Variants in COL4A4 observed in about 807,000 individuals in gnomAD.
COL4A4 encodes collagen type IV alpha 4 chain.
COL4A4 carries 105 observed loss-of-function variants against 192.9 expected under a neutral mutation model. The observed-to-expected ratio is 0.54, with a 90% CI of 0.46 to 0.64. The LOEUF (loss-of-function observed/expected upper bound fraction) is 0.64. COL4A4 is among the 30% of genes least tolerant of loss of function. The pLI is 0.00. For missense variants in COL4A4, 1,967 were observed against 2,169.3 expected, an observed-to-expected ratio of 0.91 and a Z score of 1.85; for synonymous variants, 762 against 769.9, an observed-to-expected ratio of 0.99 and a Z score of 0.17.
Position 227,042,266 on chromosome 2 carries a change from C to G in COL4A4, c.3398-11G>C. 6.4e-7 allele frequency: 1 copy of G among 1,564,276 alleles called. No individual in the cohort carries two copies. Among genetic ancestry groups the G allele is most frequent in the Non-Finnish European group, 8.8e-7 (1 of 1,134,690 alleles). On this transcript the variant is annotated splice_polypyrimidine_tract_variant and intron_variant, in intron 36 of 47. Transcript: ENST00000396625. ...GCATCCCGTGATCACCTGAGGATGA[C>G]AGGGAAGTTTTGCAGATGGCCAGAT...
rs188817793 is a variant in COL4A4, at chr2:227,054,756, A to G, written c.2717-19T>C. ...CGGGGTCCTGGTGAAATGAGAGCAT[A>G]AAGTTTTAGGAAAATATTTTATTTG... On this transcript the variant is annotated intron_variant, in intron 30 of 47. Coordinates refer to ENST00000396625, the MANE Select transcript of COL4A4 (RefSeq NM_000092.5). The G allele has an allele frequency of 1.7e-5, 27 of 1,610,174 alleles. No individual in the cohort carries two copies. In the Admixed American group the frequency reaches 2.8e-4, roughly 17 times the overall value.
At chr2:227,038,342 G>A (rs967237556) in intron 37 of COL4A4, among the ~76,000 whole-genome samples, 7 of 152,158 alleles carry the variant, frequency 4.6e-5, no homozygotes, top group Non-Finnish European at 1.0e-4. Context: ...CCCATTGCTT[G>A]TTTTTGTCAG....
intron 25 of COL4A4, among the ~76,000 whole-genome samples, chr2:227,072,783 A>G (rs1156513524): frequency 6.6e-6 from 1 of 152,126 alleles, no homozygotes; most frequent in Non-Finnish European, 1.5e-5. Flanking sequence ...TCACATAAAC[A>G]TAATTAAAAA....
chr2:227,060,410 T>A (rs185774629), intron 26 of COL4A4, among the ~76,000 whole-genome samples, 167 bp from the exon 27 acceptor site: 4 of 152,382 alleles, frequency 2.6e-5, no homozygotes, highest in Admixed American at 2.6e-4. Flanking sequence ...GTAAGTCATA[T>A]GCTCCAAATA....
chr2:227,067,333 A>G (rs376156752), intron 25 of COL4A4, among the ~76,000 whole-genome samples: 1 of 152,132 alleles, frequency 6.6e-6, no homozygotes, highest in Non-Finnish European at 1.5e-5. Context: ...ACAAGGATAC[A>G]CAGGAATTGA....
chr2:227,085,994 T>C (rs1255135407), intron 22 of COL4A4, among the ~76,000 whole-genome samples: 1 of 152,190 alleles, frequency 6.6e-6, no homozygotes, highest in East Asian at 1.9e-4. Flanking sequence ...AAGATGGTGT[T>C]CTTATATCCA....
intron 19 of COL4A4, 143 bp from the exon 20 acceptor site, chr2:227,094,432 T>C: frequency 1.3e-6 from 1 of 747,492 alleles, no homozygotes; most frequent in South Asian, 1.8e-5. Flanking sequence ...TTATGCTAAG[T>C]GAAATAAGCC....
intron 4 of COL4A4, among the ~76,000 whole-genome samples, chr2:227,138,914 T>G: frequency 6.6e-6 from 1 of 152,228 alleles, no homozygotes; most frequent in East Asian, 1.9e-4. Flanking sequence ...GCTTTTTGAA[T>G]GTCATGCACA....
chr2:227,157,049 A>G (rs982536709), intron 1 of COL4A4, among the ~76,000 whole-genome samples: 9 of 152,166 alleles, frequency 5.9e-5, no homozygotes, highest in African/African-American at 1.4e-4. Flanking sequence ...TCAAATGGAC[A>G]TGGCATATCC....
At chr2:227,108,732 G>T in intron 11 of COL4A4, 101 bp downstream of exon 11, 1 of 1,523,232 alleles carries the variant, frequency 6.6e-7, no homozygotes, top group South Asian at 1.1e-5. Context: ...GAATACTTTG[G>T]GAAGTCTGAT....
chr2:227,045,843 TA>T (rs1559487935), intron 35 of COL4A4, among the ~76,000 whole-genome samples: 2 of 33,476 alleles, frequency 6.0e-5, no homozygotes, highest in East Asian at 1.3e-3. Context: ...CACACATATA[TA>T]TATACACATA....
chr2:227,159,669 A>G (rs1215225460), intron 1 of COL4A4, among the ~76,000 whole-genome samples: 1 of 152,050 alleles, frequency 6.6e-6, no homozygotes, highest in Non-Finnish European at 1.5e-5. Context: ...TTCTCATGAG[A>G]TCTGATGGTT....
the COL4A4 span, among the ~76,000 whole-genome samples, chr2:226,986,183 G>A: frequency 2.6e-5 from 4 of 152,152 alleles, no homozygotes; most frequent in East Asian, 5.8e-4. Flanking sequence ...CAAGGTCATG[G>A]GGGTCAAGAA....
In COL4A4 at chr2:227,099,683, G is replaced by A. The variant is rs1042927949; in HGVS notation, c.1036C>T (p.Pro346Ser). The A allele has an allele frequency of 2.5e-6, 4 of 1,613,792 alleles. No individual in the cohort carries two copies. Among genetic ancestry groups the A allele is most frequent in the African/African-American group, 2.7e-5 (2 of 74,896 alleles). ...GGTCCTGGGTGCCCTCGATTTCCAGGATCCCCCTGAAATCATTCATTCATT... is the reference window on the plus strand; with the variant it reads ...GGTCCTGGGTGCCCTCGATTTCCAGAATCCCCCTGAAATCATTCATTCATT... ...LFGLIGPKGD[P>S]GNRGHPGPPG... Residue 346 changes from proline to serine, a missense_variant, in exon 18 of 48, where the codon CCT (proline) becomes TCT (serine). By Grantham distance (74) the Pro-to-Ser change is moderately conservative. Coordinates refer to ENST00000396625, the MANE Select transcript of COL4A4 (RefSeq NM_000092.5).
At chr2:227,025,841 CA>C (rs1255264127) in intron 42 of COL4A4, 31 bp from the exon 43 acceptor site, 4 of 1,609,588 alleles carry the variant, frequency 2.5e-6, no homozygotes, top group African/African-American at 2.7e-5. Flanking sequence ...CAAACGAGGC[CA>C]GTCCATGATT....
chr2:227,033,473 C>A lies in COL4A4; in HGVS notation c.3514G>T (p.Gly1172Ter), dbSNP rs1364773011. 1.2e-6 allele frequency: 2 copies of A among 1,613,146 alleles called. No homozygotes were observed. The highest frequency in any genetic ancestry group is 1.7e-6 in the Non-Finnish European group (2 of 1,179,950). The change falls in exon 38 of 48, where the codon GGA becomes TGA. Residue 1172 changes from glycine to a stop codon, truncating the protein, a stop_gained. Transcript: ENST00000396625. LOFTEE classifies it high-confidence loss of function. Reference sequence around the variant, plus strand: ...TGCAAGCCGTTCAGGCCAGGTGATCCGGAGGGACCTGAAAAACACCACAGG... The same window carrying A: ...TGCAAGCCGTTCAGGCCAGGTGATCAGGAGGGACCTGAAAAACACCACAGG... ...PGPPGIKGPSGSPGLNGLHGL... is the reference protein window; with the variant it reads ...PGPPGIKGPS
Position 227,088,766 on chromosome 2 carries a change from G to C in COL4A4, c.1510C>G (p.Pro504Ala). The change falls in exon 22 of 48, where the codon CCT becomes GCT. Residue 504 changes from proline (P) to alanine (A), a missense_variant. Coordinates refer to ENST00000396625, the MANE Select transcript of COL4A4 (RefSeq NM_000092.5). Reference protein sequence around the residue: ...CEPGPMGPPGPPGLPGRQGSK... With the variant: ...CEPGPMGPPGAPGLPGRQGSK... ...CCCTGCCTCCCAGGAAGTCCTGGAG[G>C]GCCAGGGGGGCCCATGGGTCCAGGC... 6.2e-7 allele frequency: 1 copy of C among 1,614,086 alleles called. No individual in the cohort carries two copies. Among genetic ancestry groups the C allele is most frequent in the South Asian group, 1.1e-5 (1 of 91,072 alleles).
rs752135684 is a variant in COL4A4 at position 227,119,951 on chromosome 2, GAAAAT to G, written c.328-17_328-13del. ...ACACCAGTTGGACCCTAAAATCCCA[GAAAAT>G]AAAACAAAGAGATAAAAATTATTAA... On this transcript the variant is annotated splice_polypyrimidine_tract_variant and intron_variant, in intron 5 of 47. Transcript: ENST00000396625. 4 of 1,565,556 alleles carry G rather than the reference GAAAAT, an allele frequency of 2.6e-6. No individual in the cohort carries two copies. The Admixed American group carries it at 5.2e-5, about 20-fold the overall frequency.
chr2:227,077,679 G>C (rs2059103343), intron 25 of COL4A4, among the ~76,000 whole-genome samples: 1 of 144,884 alleles, frequency 6.9e-6, no homozygotes, highest in Non-Finnish European at 1.5e-5. Flanking sequence ...AAAAGAAAAA[G>C]AAAAACACTT....
Sources: gnomAD v4.1 joint callset for allele counts (sites outside exome capture counted in the v4.1 genomes callset) on GRCh38, gnomAD v4.1.1 for gene constraint, MANE v1.5 for transcripts, NCBI Gene and HGNC (gene_info 2026-07-23, HGNC 2026-07-21) for gene names.